Variants in COL23A1 observed in about 807,000 individuals in gnomAD.
The protein encoded by COL23A1 is collagen type XXIII alpha 1 chain, also known as collagen alpha-1(XXIII) chain.
A neutral mutation model predicts 99.3 loss-of-function variants in COL23A1; 97 were observed. The observed-to-expected ratio is 0.98, with a 90% CI of 0.83 to 1.16. The LOEUF (loss-of-function observed/expected upper bound fraction) is 1.16, where lower values mean the gene tolerates loss of function less well. Ranked by LOEUF, COL23A1 falls within the 50% of genes most tolerant of loss-of-function variation. COL23A1 has a pLI of 0.00. For missense variants in COL23A1, 762 were observed against 757.4 expected (o/e 1.01, Z -0.07); for synonymous variants, 320 against 308.2 (o/e 1.04, Z -0.40).
In COL23A1 at chr5:178,384,564, C is replaced by T. The variant is rs540354377; in HGVS notation, c.362-77645G>A. 4.7e-4 allele frequency among the ~76,000 whole-genome samples: 71 copies of T among 152,322 alleles called. 1 individual carries two copies. The highest frequency in any genetic ancestry group is 2.6e-3 in the Admixed American group (40 of 15,306). On this transcript the variant is annotated intron_variant, in intron 2 of 28. Coordinates refer to ENST00000390654, the MANE Select transcript of COL23A1 (RefSeq NM_173465.4). The surrounding 1 kb of genome is among the most constrained non-coding windows in gnomAD (Gnocchi z 5.5). Reference sequence around the variant, plus strand: ...TGCAGGGGCCGGCGTGCCTTACTTCCCTCCCTGCTCCTGCGCTGATTCTGC... The same window carrying T: ...TGCAGGGGCCGGCGTGCCTTACTTCTCTCCCTGCTCCTGCGCTGATTCTGC...
chr5:178,270,159 G>A (rs1756204411), intron 6 of COL23A1, among the ~76,000 whole-genome samples, 178 bp downstream of exon 6: 1 of 152,176 alleles, frequency 6.6e-6, no homozygotes, highest in Non-Finnish European at 1.5e-5. Context: ...GGCCTCCCTT[G>A]GTCACCGTCA....
intron 2 of COL23A1, among the ~76,000 whole-genome samples, chr5:178,539,682 T>A (rs1035968336): frequency 3.9e-5 from 6 of 152,212 alleles, no homozygotes; most frequent in Admixed American, 6.5e-5. Context: ...TTTTCACCAG[T>A]GAATTCTTCC....
At position 178,308,459 on chromosome 5, in the gene COL23A1, C is replaced by T. The variant is rs1385337672; in HGVS notation, c.362-1540G>A. ...TTTTCTCCCATCCTGGACACAGACC[C>T]TGAATTTGGGGTTTATGCTGGAATT... On this transcript the variant is annotated intron_variant, in intron 2 of 28. Coordinates refer to ENST00000390654, the MANE Select transcript of COL23A1 (RefSeq NM_173465.4). The surrounding 1 kb of genome is among the most constrained non-coding windows in gnomAD (Gnocchi z 5.1). Among the ~76,000 whole-genome samples the T allele has an allele frequency of 6.6e-6, 1 of 152,194 alleles. No homozygotes were observed. The highest frequency in any genetic ancestry group is 1.5e-5 in the Non-Finnish European group (1 of 68,044).
At chr5:178,540,094 T>G (rs1012470356) in intron 2 of COL23A1, among the ~76,000 whole-genome samples, 10 of 152,198 alleles carry the variant, frequency 6.6e-5, no homozygotes, top group African/African-American at 1.9e-4. Context: ...CCCTTTAATA[T>G]TTCCTCTGAG....
intron 5 of COL23A1, among the ~76,000 whole-genome samples, chr5:178,279,745 G>T (rs1756786710): frequency 6.6e-6 from 1 of 152,190 alleles, no homozygotes; most frequent in Non-Finnish European, 1.5e-5. Flanking sequence ...CATCTTGGGT[G>T]CACCCTCTCT....
chr5:178,387,117 C>A lies in COL23A1; in HGVS notation c.362-80198G>T, dbSNP rs1763716696. 6.6e-6 allele frequency among the ~76,000 whole-genome samples: 1 copy of A among 152,104 alleles called. No individual in the cohort carries two copies. Among genetic ancestry groups the A allele is most frequent in the African/African-American group, 2.4e-5 (1 of 41,422 alleles). On this transcript the variant is annotated intron_variant, in intron 2 of 28. Coordinates refer to ENST00000390654, the MANE Select transcript of COL23A1 (RefSeq NM_173465.4). This position sits in a 1 kb window ranked among gnomAD's most constrained non-coding sequence, Gnocchi z 4.7. Reference sequence around the variant, plus strand: ...TCTCTCCCACGGCAGCTTCTCATCACCCCGTCTGGAACCAACAACACCCTC... The same window carrying A: ...TCTCTCCCACGGCAGCTTCTCATCAACCCGTCTGGAACCAACAACACCCTC...
At chr5:178,498,200 A>T (rs1353072063) in intron 2 of COL23A1, among the ~76,000 whole-genome samples, 1 of 97,348 alleles carries the variant, frequency 1.0e-5, no homozygotes, top group East Asian at 2.4e-4. Context: ...CCCTGTCTTT[A>T]TTTAAATATA....
At chr5:178,567,513 C>A (rs745787416) in intron 1 of COL23A1, among the ~76,000 whole-genome samples, 2 of 152,138 alleles carry the variant, frequency 1.3e-5, no homozygotes, top group Admixed American at 6.5e-5. Context: ...GACACCAGGA[C>A]GGGCAGATTA....
At chr5:178,390,477 C>T (rs911523768) in intron 2 of COL23A1, among the ~76,000 whole-genome samples, 8 of 152,200 alleles carry the variant, frequency 5.3e-5, no homozygotes, top group Non-Finnish European at 7.3e-5. Context: ...GGTCCCCTGG[C>T]ACAGAACCCC....
chr5:178,249,683 A>AACACACACACACACACACAC (rs746295532), intron 18 of COL23A1, among the ~76,000 whole-genome samples: 2 of 118,328 alleles, frequency 1.7e-5, no homozygotes, highest in African/African-American at 4.3e-5. Flanking sequence ...TGTATAGGAT[A>AACACACACACACACACACAC]ACACACACAC....
intron 2 of COL23A1, among the ~76,000 whole-genome samples, chr5:178,389,038 C>T (rs1763817929): frequency 6.6e-6 from 1 of 152,204 alleles, no homozygotes; most frequent in African/African-American, 2.4e-5. Flanking sequence ...CTAAAATTTA[C>T]ACTCCTTACC....
intron 2 of COL23A1, among the ~76,000 whole-genome samples, chr5:178,320,438 C>T (rs1759231006): frequency 6.6e-6 from 1 of 152,220 alleles, no homozygotes; most frequent in African/African-American, 2.4e-5. Flanking sequence ...AGCCCTGCGT[C>T]CCCTCACCTC....
chr5:178,238,306 T>G lies in COL23A1; in HGVS notation c.*392A>C. On this transcript the variant is annotated 3_prime_UTR_variant, in exon 29 of 29. Coordinates refer to ENST00000390654, the MANE Select transcript of COL23A1 (RefSeq NM_173465.4). ...TGTTCCACCCCTGGGTCTTCTTGGA[T>G]AGGGTGTGTCCCAGGGACTCCAGAG... 5.6e-6 allele frequency: 1 copy of G among 178,254 alleles called. No individual in the cohort carries two copies. 11.0% of individuals were successfully genotyped at this position (178,254 alleles called of 1,614,324 possible). A position where few individuals can be genotyped will look rare whatever the true frequency, so the allele number is the denominator to read the frequency against.
At position 178,306,135 on chromosome 5, in the gene COL23A1, G is replaced by A. The variant is rs1230316430; in HGVS notation, c.406+740C>T. Among the ~76,000 whole-genome samples the A allele has an allele frequency of 1.3e-5, 2 of 152,138 alleles. No homozygotes were observed. Among genetic ancestry groups the A allele is most frequent in the African/African-American group, 4.8e-5 (2 of 41,414 alleles). On this transcript the variant is annotated intron_variant, in intron 3 of 28. Transcript: ENST00000390654. The surrounding 1 kb of genome is among the most constrained non-coding windows in gnomAD (Gnocchi z 4.1). The stretch of plus-strand genomic sequence containing the variant: ...GGTGGGTCCCGTGAGAATGGCAAAG[G>A]AGCCCGGGTCACAGATGAGGGAGGA...
intron 2 of COL23A1, among the ~76,000 whole-genome samples, chr5:178,446,060 AAAC>A (rs1331820791): frequency 6.6e-6 from 1 of 152,034 alleles, no homozygotes. Context: ...AATTCAAATT[AAAC>A]AAGAAAATTT....
At chr5:178,421,652 G>C (rs767936452) in intron 2 of COL23A1, among the ~76,000 whole-genome samples, 10 of 152,018 alleles carry the variant, frequency 6.6e-5, no homozygotes, top group Non-Finnish European at 1.5e-4. Context: ...GCAGATCACC[G>C]GAGGTCAGAA....
intron 2 of COL23A1, among the ~76,000 whole-genome samples, chr5:178,503,256 A>G (rs1758674393): frequency 6.6e-6 from 1 of 152,112 alleles, no homozygotes; most frequent in Admixed American, 6.6e-5. Flanking sequence ...TGGCTGAGAT[A>G]AGAGAATCAC....
intron 1 of COL23A1, among the ~76,000 whole-genome samples, chr5:178,582,572 G>A (rs528415486): frequency 2.0e-5 from 3 of 152,300 alleles, no homozygotes; most frequent in South Asian, 4.1e-4. Context: ...GGCTCACAGC[G>A]CACCCCTGGC....
intron 2 of COL23A1, among the ~76,000 whole-genome samples, chr5:178,499,291 G>A (rs1389282443): frequency 3.3e-5 from 5 of 152,074 alleles, no homozygotes; most frequent in East Asian, 1.9e-4. Context: ...AAGAGATCTC[G>A]CTGCCTGAAA....
Sources: gnomAD v4.1 joint callset for allele counts (sites outside exome capture counted in the v4.1 genomes callset) on GRCh38, gnomAD v4.1.1 for gene constraint, Gnocchi (gnomAD v3.1) non-coding constraint, MANE v1.5 for transcripts, NCBI Gene and HGNC (gene_info 2026-07-23, HGNC 2026-07-21) for gene names.